The following KCTD8 variants were observed in gnomAD, a reference collection of about 807,000 sequenced individuals.
KCTD8 encodes BTB/POZ domain-containing protein KCTD8.
Under a neutral mutation model 31.5 loss-of-function variants are expected in KCTD8, and 27 were observed. That is an observed-to-expected ratio of 0.86 (90% CI 0.63 to 1.18). The LOEUF is 1.18. KCTD8 is among the 50% of genes most tolerant of loss of function. The probability of loss-of-function intolerance (pLI) is 0.00; values close to 1 mark genes in which losing one functional copy is unlikely to be tolerated. For synonymous variants in KCTD8, 290 were observed against 280.0 expected, an observed-to-expected ratio of 1.04 and a Z score of -0.36; for missense variants, 658 against 647.7, an observed-to-expected ratio of 1.02 and a Z score of -0.17.
chr4:44,420,440 C>T (rs7659283), intron 1 of KCTD8, among the ~76,000 whole-genome samples: 91,194 of 151,934 alleles, frequency 0.6, 27,531 homozygotes, highest in East Asian at 0.74. Context: ...AAAGGCCAGA[C>T]AAAAAGTATT....
chr4:44,289,998 G>T (rs534614641), intron 1 of KCTD8, among the ~76,000 whole-genome samples: 1 of 151,954 alleles, frequency 6.6e-6, no homozygotes, highest in East Asian at 1.9e-4. Context: ...TCCAAATGCC[G>T]CAATAAAAAG....
chr4:44,376,252 C>T (rs1363501149), intron 1 of KCTD8, among the ~76,000 whole-genome samples: 1 of 152,160 alleles, frequency 6.6e-6, no homozygotes, highest in Non-Finnish European at 1.5e-5. Flanking sequence ...TGTCTCTTCT[C>T]ATGTTCTGTG....
intron 1 of KCTD8, among the ~76,000 whole-genome samples, chr4:44,266,629 G>C (rs1261345104): frequency 2.0e-5 from 3 of 151,032 alleles, no homozygotes; most frequent in East Asian, 1.9e-4. Context: ...ACCCATCAGT[G>C]TGCTGTATTC....
At chr4:44,238,320 T>C (rs1715350425) in intron 1 of KCTD8, among the ~76,000 whole-genome samples, 1 of 152,110 alleles carries the variant, frequency 6.6e-6, no homozygotes, top group South Asian at 2.1e-4. Context: ...CATGGTTCCA[T>C]CTCTCTTTCT....
intron 1 of KCTD8, among the ~76,000 whole-genome samples, chr4:44,209,116 C>A (rs971782347): frequency 6.6e-6 from 1 of 151,598 alleles, no homozygotes; most frequent in Non-Finnish European, 1.5e-5. Context: ...GGATTTTTAC[C>A]CCCTCACAAG....
chr4:44,188,636 T>C (rs558198886), intron 1 of KCTD8, among the ~76,000 whole-genome samples: 1 of 152,276 alleles, frequency 6.6e-6, no homozygotes, highest in African/African-American at 2.4e-5. Flanking sequence ...GATTTCGAGA[T>C]GGTGAAATTA....
intron 1 of KCTD8, among the ~76,000 whole-genome samples, chr4:44,226,120 G>T (rs922471751): frequency 1.3e-5 from 2 of 152,104 alleles, no homozygotes; most frequent in South Asian, 4.1e-4. Flanking sequence ...GAGCCACTGC[G>T]CCCGGCCCTC....
At chr4:44,277,493 T>G (rs1303517414) in intron 1 of KCTD8, among the ~76,000 whole-genome samples, 1 of 151,832 alleles carries the variant, frequency 6.6e-6, no homozygotes, top group Non-Finnish European at 1.5e-5. Context: ...AACAGTACAC[T>G]GTTGGTACGC....
At chr4:44,447,427 AGG>A in intron 1 of KCTD8, 134 bp downstream of exon 1, 1 of 1,340,178 alleles carries the variant, frequency 7.5e-7, no homozygotes, top group South Asian at 1.8e-5. Context: ...GGAATCGTGC[AGG>A]GAGAGCCGCT....
At chr4:44,335,903 C>T (rs975076730) in intron 1 of KCTD8, among the ~76,000 whole-genome samples, 4 of 151,968 alleles carry the variant, frequency 2.6e-5, no homozygotes, top group Admixed American at 2.0e-4. Flanking sequence ...GTAATCCCAG[C>T]ACTTTGGGAG....
intron 1 of KCTD8, among the ~76,000 whole-genome samples, chr4:44,411,926 G>C (rs1247195044): frequency 6.6e-6 from 1 of 152,134 alleles, no homozygotes; most frequent in African/African-American, 2.4e-5. Context: ...CTAGAGTGTA[G>C]AAGTGTGATG....
At chr4:44,261,040 G>A (rs953466992) in intron 1 of KCTD8, among the ~76,000 whole-genome samples, 1 of 151,990 alleles carries the variant, frequency 6.6e-6, no homozygotes, top group African/African-American at 2.4e-5. Context: ...TCGTGGTGGG[G>A]ATTAGAAGTG....
At chr4:44,178,020 T>A (rs1713268027) in intron 1 of KCTD8, among the ~76,000 whole-genome samples, 1 of 152,208 alleles carries the variant, frequency 6.6e-6, no homozygotes, top group South Asian at 2.1e-4. Flanking sequence ...GCACCAGATT[T>A]ATGTGGCAAT....
intron 1 of KCTD8, among the ~76,000 whole-genome samples, chr4:44,224,972 A>T (rs1475067212): frequency 6.6e-6 from 1 of 152,170 alleles, no homozygotes; most frequent in Non-Finnish European, 1.5e-5. Flanking sequence ...CATTGGTAAG[A>T]ACTAGTCATA....
At chr4:44,264,558 G>C (rs879824169) in intron 1 of KCTD8, among the ~76,000 whole-genome samples, 1 of 152,192 alleles carries the variant, frequency 6.6e-6, no homozygotes, top group Non-Finnish European at 1.5e-5. Flanking sequence ...GCAGTGCACC[G>C]TGTGTGAGCC....
chr4:44,175,872 G>A (rs1713199115), intron 1 of KCTD8, among the ~76,000 whole-genome samples: 1 of 152,082 alleles, frequency 6.6e-6, no homozygotes, highest in South Asian at 2.1e-4. Context: ...AGATATATAG[G>A]GGCCTAATAT....
At chr4:44,315,920 T>C (rs531123767) in intron 1 of KCTD8, among the ~76,000 whole-genome samples, 1 of 152,290 alleles carries the variant, frequency 6.6e-6, no homozygotes, top group East Asian at 1.9e-4. Context: ...CTTGATATTA[T>C]GAAATTTTTA....
chr4:44,329,049 A>T (rs980675331), intron 1 of KCTD8, among the ~76,000 whole-genome samples: 1 of 151,862 alleles, frequency 6.6e-6, no homozygotes, highest in Non-Finnish European at 1.5e-5. Context: ...GATCATGGTT[A>T]GGCACCATAA....
chr4:44,358,484 T>C (rs1481300225), intron 1 of KCTD8, among the ~76,000 whole-genome samples: 1 of 152,160 alleles, frequency 6.6e-6, no homozygotes, highest in Non-Finnish European at 1.5e-5. Context: ...TCTTCCACAA[T>C]GGTTGAACTA....
Sources: gnomAD v4.1 joint callset for allele counts (sites outside exome capture counted in the v4.1 genomes callset) on GRCh38, gnomAD v4.1.1 for gene constraint, MANE v1.5 for transcripts, NCBI Gene and HGNC (gene_info 2026-07-23, HGNC 2026-07-21) for gene names.